FARP1: variants seen among roughly 807,000 people sequenced by gnomAD.
The protein encoded by FARP1 is FERM, ARHGEF and pleckstrin domain-containing protein 1.
In FARP1, 52 loss-of-function variants were observed where a neutral mutation model predicts 128.8. The observed-to-expected ratio is 0.40, with a 90% CI of 0.32 to 0.51. The LOEUF (loss-of-function observed/expected upper bound fraction) is 0.51, where lower values mean the gene tolerates loss of function less well. Ranked by LOEUF, FARP1 falls within the 20% of genes least tolerant of loss-of-function variation. FARP1 has a pLI of 0.45. For synonymous variants in FARP1, 580 were observed against 551.8 expected, an observed-to-expected ratio of 1.05 and a Z score of -0.72; for missense variants, 1,333 against 1,367.9, an observed-to-expected ratio of 0.97 and a Z score of 0.40.
rs572166266 is a variant in FARP1, at chr13:98,211,356, G to A, written c.-23-1864G>A. Among the ~76,000 whole-genome samples, 5 of 152,336 alleles carry A rather than the reference G, an allele frequency of 3.3e-5. No individual in the cohort carries two copies. The South Asian group carries it at 6.2e-4, about 19-fold the overall frequency. ...AGACCCTGTTGGGAACTGCGCATGC[G>A]AGGGATCTAGATTGTGCGCTCCTTA... On this transcript the variant is annotated intron_variant, in intron 1 of 26. Coordinates refer to ENST00000319562, the MANE Select transcript of FARP1 (RefSeq NM_005766.4).
intron 2 of FARP1, chr13:98,328,592 CT>C (rs1158106082): frequency 6.6e-6 from 1 of 152,232 alleles, no homozygotes; most frequent in Admixed American, 6.5e-5. Flanking sequence ...GCACATGACT[CT>C]TTTTCTTTCC....
chr13:98,447,378 T>G (rs977696142), intron 26 of FARP1: 1 of 152,466 alleles, frequency 6.6e-6, no homozygotes, highest in Non-Finnish European at 1.5e-5. Context: ...AGGAGAGCCA[T>G]TCTCAAATCT....
At chr13:98,305,095 T>G (rs1886081566) in intron 2 of FARP1, among the ~76,000 whole-genome samples, 1 of 144,136 alleles carries the variant, frequency 6.9e-6, no homozygotes, top group African/African-American at 2.6e-5. Flanking sequence ...AGTAAGAATA[T>G]TTAAATGTGT....
At chr13:98,152,905 T>C (rs1317236467) in intron 1 of FARP1, among the ~76,000 whole-genome samples, 10 of 152,114 alleles carry the variant, frequency 6.6e-5, no homozygotes, top group Non-Finnish European at 1.5e-4. Flanking sequence ...TTGCAGGGCA[T>C]CTGCTTGGAA....
At chr13:98,421,325 A>G (rs1406783599) in intron 16 of FARP1, among the ~76,000 whole-genome samples, 1 of 152,118 alleles carries the variant, frequency 6.6e-6, no homozygotes, top group Non-Finnish European at 1.5e-5. Flanking sequence ...CTCATTCCCC[A>G]CCGCCCTCGC....
intron 16 of FARP1, among the ~76,000 whole-genome samples, chr13:98,420,922 G>C (rs1421790458): frequency 6.6e-6 from 1 of 152,252 alleles, no homozygotes; most frequent in African/African-American, 2.4e-5. Flanking sequence ...TGGGCAGCAG[G>C]AATTTGGATT....
chr13:98,314,058 C>G (rs1254438908), intron 2 of FARP1, among the ~76,000 whole-genome samples: 2 of 152,138 alleles, frequency 1.3e-5, no homozygotes, highest in African/African-American at 4.8e-5. Context: ...GGTCCAAGCT[C>G]AGGCATGTAG....
chr13:98,200,181 C>T (rs1309776167), intron 1 of FARP1, among the ~76,000 whole-genome samples: 1 of 152,220 alleles, frequency 6.6e-6, no homozygotes. Flanking sequence ...AAAACAGGCA[C>T]TCACGACCTT....
chr13:98,274,186 T>C (rs919307964), intron 2 of FARP1, among the ~76,000 whole-genome samples: 8 of 152,138 alleles, frequency 5.3e-5, no homozygotes, highest in African/African-American at 1.2e-4. Context: ...GTCTGTGTGA[T>C]TGTTAGAGGA....
intron 4 of FARP1, 84 bp from the exon 5 acceptor site, chr13:98,368,032 AT>A (rs1336757726): frequency 9.2e-7 from 1 of 1,081,160 alleles, no homozygotes; most frequent in African/African-American, 1.6e-5. Context: ...GAGATGCATT[AT>A]TTGTATTTGT....
At chr13:98,165,710 G>GTT (rs71111927) in intron 1 of FARP1, among the ~76,000 whole-genome samples, 4,127 of 74,056 alleles carry the variant, frequency 0.056, 461 homozygotes, top group East Asian at 0.091. Context: ...TCCAGAAGGG[G>GTT]TTTTTTTTTT....
intron 1 of FARP1, among the ~76,000 whole-genome samples, chr13:98,146,462 A>C (rs1286448617): frequency 6.6e-6 from 1 of 152,198 alleles, no homozygotes; most frequent in Non-Finnish European, 1.5e-5. Context: ...TCCTGACCTC[A>C]GGTGATTTGC....
intron 9 of FARP1, 77 bp from the exon 10 acceptor site, chr13:98,389,880 T>C (rs559915050): frequency 7.1e-7 from 1 of 1,413,150 alleles, no homozygotes; most frequent in East Asian, 2.3e-5. Flanking sequence ...CAAAGCTATC[T>C]TCTGCCCCTT....
At chr13:98,155,441 A>G (rs1442259949) in intron 1 of FARP1, among the ~76,000 whole-genome samples, 1 of 151,894 alleles carries the variant, frequency 6.6e-6, no homozygotes, top group African/African-American at 2.4e-5. Flanking sequence ...AATACCTTAC[A>G]ACATGGTGGC....
chr13:98,217,028 G>A (rs1440107187), intron 2 of FARP1, among the ~76,000 whole-genome samples: 1 of 152,128 alleles, frequency 6.6e-6, no homozygotes, highest in Non-Finnish European at 1.5e-5. Flanking sequence ...CCCTATGCCC[G>A]CCCAGGCCAT....
chr13:98,375,551 C>T (rs990995870), intron 5 of FARP1, among the ~76,000 whole-genome samples: 20 of 152,184 alleles, frequency 1.3e-4, no homozygotes, highest in Admixed American at 1.2e-3. Flanking sequence ...ATGCTTTGAT[C>T]TGCCTGGAAT....
At chr13:98,242,961 T>C (rs1334516296) in intron 2 of FARP1, among the ~76,000 whole-genome samples, 1 of 152,180 alleles carries the variant, frequency 6.6e-6, no homozygotes. Context: ...GGGGAAAAGG[T>C]ACTTTCACTG....
At chr13:98,222,084 G>C (rs1293025532) in intron 2 of FARP1, among the ~76,000 whole-genome samples, 1 of 152,168 alleles carries the variant, frequency 6.6e-6, no homozygotes, top group Non-Finnish European at 1.5e-5. Context: ...TCATGTAAAA[G>C]AGCAGTTCTC....
intron 5 of FARP1, among the ~76,000 whole-genome samples, chr13:98,374,478 T>A (rs1171540902): frequency 6.6e-6 from 1 of 152,164 alleles, no homozygotes; most frequent in Non-Finnish European, 1.5e-5. Context: ...TAGGACCACA[T>A]ATTGCATCTA....
Sources: allele counts gnomAD v4.1 joint callset (sites outside exome capture counted in the v4.1 genomes callset), GRCh38; gene constraint gnomAD v4.1.1; transcripts MANE v1.5; gene names NCBI Gene and HGNC (gene_info 2026-07-23, HGNC 2026-07-21).